SLC16A7: variants seen among roughly 807,000 people sequenced by gnomAD.
SLC16A7 encodes monocarboxylate transporter 2.
Under a neutral mutation model 34.9 loss-of-function variants are expected in SLC16A7, and 33 were observed. The observed-to-expected ratio is 0.94, with a 90% confidence interval of 0.72 to 1.26. SLC16A7 has a LOEUF of 1.26. Among genes scored for constraint, SLC16A7 ranks in the 50% most tolerant of loss-of-function variants. SLC16A7 has a pLI of 0.00. For synonymous variants in SLC16A7, 201 were observed against 206.6 expected, an observed-to-expected ratio of 0.97 and a Z score of 0.23; for missense variants, 573 against 578.1, an observed-to-expected ratio of 0.99 and a Z score of 0.09.
At chr12:59,736,012 T>C in intron 3 of SLC16A7, 1 of 687,762 alleles carries the variant, frequency 1.5e-6, no homozygotes, top group Non-Finnish European at 2.1e-6. Flanking sequence ...GGTAGAAACA[T>C]TATTTTAATG....
chr12:59,715,573 G>A (rs1367836675), intron 3 of SLC16A7, among the ~76,000 whole-genome samples: 1 of 152,104 alleles, frequency 6.6e-6, no homozygotes, highest in African/African-American at 2.4e-5. Flanking sequence ...CTGGGAGCTG[G>A]ACCAAGAAAG....
chr12:59,697,471 T>C (rs1350474306), intron 2 of SLC16A7, among the ~76,000 whole-genome samples: 1 of 151,958 alleles, frequency 6.6e-6, no homozygotes, highest in Non-Finnish European at 1.5e-5. Context: ...GTATATGCTA[T>C]TACTATCCAT....
chr12:59,608,868 T>TA (rs1879063322), intron 1 of SLC16A7, among the ~76,000 whole-genome samples: 1 of 152,270 alleles, frequency 6.6e-6, no homozygotes, highest in East Asian at 1.9e-4. Context: ...GAAACACTTC[T>TA]AAAAAAAGTG....
At chr12:59,685,707 T>C (rs1275739488) in intron 2 of SLC16A7, among the ~76,000 whole-genome samples, 1 of 152,102 alleles carries the variant, frequency 6.6e-6, no homozygotes, top group Non-Finnish European at 1.5e-5. Flanking sequence ...TGAATTGAAA[T>C]ATTAGTTCTT....
chr12:59,763,217 A>G (rs68003181), intron 3 of SLC16A7, among the ~76,000 whole-genome samples: 5,289 of 152,206 alleles, frequency 0.035, 136 homozygotes, highest in Non-Finnish European at 0.049. Context: ...TTAAGCAGAT[A>G]CAGGTTTTTG....
At chr12:59,741,370 G>A (rs973223526) in intron 3 of SLC16A7, among the ~76,000 whole-genome samples, 1 of 152,104 alleles carries the variant, frequency 6.6e-6, no homozygotes, top group Non-Finnish European at 1.5e-5. Flanking sequence ...GTGTCAGGAG[G>A]AACAAACTTT....
chr12:59,673,482 GTT>G (rs34956184), intron 2 of SLC16A7, among the ~76,000 whole-genome samples: 1,508 of 140,042 alleles, frequency 0.011, 20 homozygotes, highest in African/African-American at 0.038. Flanking sequence ...CAGCAAACAT[GTT>G]TTTTTTTTTT....
In SLC16A7 at chr12:59,717,550, G is replaced by A. The variant is rs561155298; in HGVS notation, c.217+12532G>A. The stretch of plus-strand genomic sequence containing the variant: ...ATTACTTAATGGTATTCCTTAAATC[G>A]AACATGATATGTTTTAGAAGCTAGA... On this transcript the variant is annotated intron_variant, in intron 3 of 5. Transcript: ENST00000547379. Among the ~76,000 whole-genome samples the A allele has an allele frequency of 1.4e-4, 21 of 152,170 alleles. No individual in the cohort carries two copies. The South Asian group carries it at 4.2e-3, about 30-fold the overall frequency.
intron 3 of SLC16A7, among the ~76,000 whole-genome samples, chr12:59,738,397 A>G (rs946057043): frequency 2.0e-5 from 3 of 152,196 alleles, no homozygotes; most frequent in Non-Finnish European, 4.4e-5. Flanking sequence ...ACTTGTTTCC[A>G]TATCAAACTG....
chr12:59,635,453 AC>A (rs896999787), intron 1 of SLC16A7, among the ~76,000 whole-genome samples: 2 of 152,116 alleles, frequency 1.3e-5, no homozygotes, highest in African/African-American at 4.8e-5. Context: ...GCAATAAATG[AC>A]ACAATCCAAT....
chr12:59,726,809 A>T (rs908614958), intron 3 of SLC16A7, among the ~76,000 whole-genome samples: 18 of 152,106 alleles, frequency 1.2e-4, no homozygotes, highest in African/African-American at 4.3e-4. Context: ...CTCACCACCC[A>T]GTAATCATTA....
At position 59,681,134 on chromosome 12, in the gene SLC16A7, C is replaced by A. The variant is rs1483270093; in HGVS notation, c.-30-23638C>A. Among the ~76,000 whole-genome samples, 3 of 152,322 alleles carry A rather than the reference C, an allele frequency of 2.0e-5. No homozygotes were observed. In the East Asian group the frequency reaches 5.8e-4, roughly 29 times the overall value. On this transcript the variant is annotated intron_variant, in intron 2 of 5. Transcript: ENST00000547379. ...TCAAATCCATGCCACACCTGACCAT[C>A]CGAATCTTAAAACATCATTGTGTTT... is the stretch of plus-strand genomic sequence containing the variant.
intron 3 of SLC16A7, among the ~76,000 whole-genome samples, chr12:59,757,462 G>C (rs1001125001): frequency 6.6e-6 from 1 of 151,988 alleles, no homozygotes; most frequent in Admixed American, 6.6e-5. Flanking sequence ...CTGACAGAGG[G>C]TTCTAATTAT....
At chr12:59,676,841 A>C (rs1305427498) in intron 2 of SLC16A7, among the ~76,000 whole-genome samples, 1 of 152,132 alleles carries the variant, frequency 6.6e-6, no homozygotes, top group Non-Finnish European at 1.5e-5. Flanking sequence ...GTTACTTAAA[A>C]ATCTTTCATT....
At chr12:59,667,299 A>C (rs1402018808) in intron 2 of SLC16A7, among the ~76,000 whole-genome samples, 1 of 152,174 alleles carries the variant, frequency 6.6e-6, no homozygotes, top group Non-Finnish European at 1.5e-5. Context: ...AATGCAGGAA[A>C]ATTTGGAACT....
chr12:59,686,737 T>C (rs1410070822), intron 2 of SLC16A7, among the ~76,000 whole-genome samples: 1 of 152,128 alleles, frequency 6.6e-6, no homozygotes, highest in Non-Finnish European at 1.5e-5. Flanking sequence ...TTGATCTCTT[T>C]TCCCTGCTAC....
intron 2 of SLC16A7, among the ~76,000 whole-genome samples, chr12:59,668,521 A>G (rs578223293): frequency 3.9e-5 from 6 of 152,254 alleles, no homozygotes; most frequent in African/African-American, 1.4e-4. Context: ...CTACATTTAG[A>G]ATGGGCATAT....
chr12:59,724,625 C>T (rs1876016988), intron 3 of SLC16A7, among the ~76,000 whole-genome samples: 1 of 151,922 alleles, frequency 6.6e-6, no homozygotes, highest in East Asian at 1.9e-4. Context: ...CAGTTGGGTG[C>T]TTATGTATGA....
intron 2 of SLC16A7, among the ~76,000 whole-genome samples, chr12:59,656,837 C>G (rs926220956): frequency 2.6e-5 from 4 of 151,896 alleles, no homozygotes; most frequent in African/African-American, 9.7e-5. Flanking sequence ...CTTTTAGATA[C>G]ATAGTTTACT....
Sources: allele counts gnomAD v4.1 joint callset (sites outside exome capture counted in the v4.1 genomes callset), GRCh38; gene constraint gnomAD v4.1.1; transcripts MANE v1.5; gene names NCBI Gene and HGNC (gene_info 2026-07-23, HGNC 2026-07-21).